KMT2D: variants seen among roughly 807,000 people sequenced by gnomAD.
KMT2D encodes the protein lysine methyltransferase 2D.
In KMT2D, 55 loss-of-function variants were observed where a neutral mutation model predicts 512.7. The observed-to-expected ratio is 0.11, with a 90% CI of 0.09 to 0.13. The LOEUF (loss-of-function observed/expected upper bound fraction) is 0.13, where lower values mean the gene tolerates loss of function less well. Among genes scored for constraint, KMT2D ranks in the 10% least tolerant of loss-of-function variants. KMT2D has a pLI of 1.00. For synonymous variants in KMT2D, 2,995 were observed against 2,904.0 expected, an observed-to-expected ratio of 1.03 and a Z score of -1.01; for missense variants, 6,061 against 7,127.9, an observed-to-expected ratio of 0.85 and a Z score of 5.39.
rs1376700910 is a variant in KMT2D at position 49,024,952 on chromosome 12, A to C, written c.15785-6T>G. 6 of 1,586,782 alleles carry C rather than the reference A, an allele frequency of 3.8e-6. No individual in the cohort carries two copies. The highest frequency in any genetic ancestry group is 1.3e-5 in the African/African-American group (1 of 74,204). On this transcript the variant is annotated splice_region_variant and splice_polypyrimidine_tract_variant and intron_variant, in intron 49 of 54. Transcript: ENST00000301067. This position sits in a 1 kb window ranked among gnomAD's most constrained non-coding sequence, Gnocchi z 4.5. ...AATGATGCGATTCCACACGGCTAAG[A>C]AGCAGGGAAGAGAGCAGTCCTCAGA...
Position 49,019,199 on chromosome 12 carries a change from C to T in KMT2D, c.*2581G>A. On this transcript the variant is annotated 3_prime_UTR_variant, in exon 55 of 55. Transcript: ENST00000301067. Reference sequence around the variant, plus strand: ...GTTACGAAGGACCAACCTTGCTGTACAGGATACACACAACACAAAATAAAG... The same window carrying T: ...GTTACGAAGGACCAACCTTGCTGTATAGGATACACACAACACAAAATAAAG... 9.5e-7 allele frequency: 1 copy of T among 1,057,468 alleles called. No homozygotes were observed. Among genetic ancestry groups the T allele is most frequent in the Non-Finnish European group, 1.2e-6 (1 of 858,284 alleles). 65.5% of individuals were successfully genotyped at this position (1,057,468 alleles called of 1,614,324 possible).
At position 49,040,488 on chromosome 12, in the gene KMT2D, G is replaced by A. The variant is rs1474738542; in HGVS notation, c.7282C>T (p.Arg2428Trp). ...QSSSQSPLTP[R>W]PLSAEAFCPS... Reference sequence around the variant, plus strand: ...CAAAAAGCTTCAGCAGACAGAGGCCGGGGTGTCAGTGGAGACTGGGAGCTG... The same window carrying A: ...CAAAAAGCTTCAGCAGACAGAGGCCAGGGTGTCAGTGGAGACTGGGAGCTG... Residue 2428 changes from arginine (R) to tryptophan (W), a missense_variant, in exon 32 of 55, where the codon CGG becomes TGG. By Grantham distance (101) the Arg-to-Trp change is moderately radical. Around this residue, in one of 16 missense-constraint regions of KMT2D, gnomAD observed 710 missense variants for 647.3 expected, o/e 1.10. Coordinates refer to ENST00000301067, the MANE Select transcript of KMT2D (RefSeq NM_003482.4). 7 of 1,578,252 alleles carry A rather than the reference G, an allele frequency of 4.4e-6. No individual in the cohort carries two copies. The highest frequency in any genetic ancestry group is 6.0e-6 in the Non-Finnish European group (7 of 1,160,166).
intron 37 of KMT2D, 31 bp from the exon 38 acceptor site, chr12:49,034,507 T>A: frequency 6.2e-7 from 1 of 1,612,694 alleles, no homozygotes; most frequent in Non-Finnish European, 8.5e-7. Flanking sequence ...AAAGGGTCAT[T>A]GTTCCCTGCT....
rs372029822 is a variant in KMT2D, at chr12:49,034,793, T to C, written c.10355+19A>G. The C allele has an allele frequency of 6.2e-7, 1 of 1,611,806 alleles. No individual in the cohort carries two copies. Among genetic ancestry groups the C allele is most frequent in the African/African-American group, 1.3e-5 (1 of 74,856 alleles). On this transcript the variant is annotated intron_variant, in intron 36 of 54. Transcript: ENST00000301067. ...CTGGGAAAGAAAAGGGCCAACCCCA[T>C]TCCAGCCCTGAGTCTTACCTGTTCA...
chr12:49,033,347 C>G lies in KMT2D; in HGVS notation c.11358G>C (p.Leu3786=). The G allele has an allele frequency of 6.3e-7, 1 of 1,591,898 alleles. No homozygotes were observed. The highest frequency in any genetic ancestry group is 8.6e-7 in the Non-Finnish European group (1 of 1,169,414). ...LMPPSSHQGL[L]VQQLSPQPPQ... ...GTGGTTGAGGGGACAGCTGCTGGACCAGGAGGCCTTGGTGGCTGCTGGGAG... is the reference window on the plus strand; with the variant it reads ...GTGGTTGAGGGGACAGCTGCTGGACGAGGAGGCCTTGGTGGCTGCTGGGAG... The change falls in exon 40 of 55, where the codon CTG becomes CTC. Residue 3786 remains leucine (L), a synonymous_variant. Coordinates refer to ENST00000301067, the MANE Select transcript of KMT2D (RefSeq NM_003482.4).
Position 49,040,399 on chromosome 12 carries a change from A to C in KMT2D, c.7371T>G (p.Pro2457=). 2 of 1,562,410 alleles carry C rather than the reference A, an allele frequency of 1.3e-6. No individual in the cohort carries two copies. The highest frequency in any genetic ancestry group is 2.3e-5 in the East Asian group (1 of 44,396). The change falls in exon 32 of 55, where the codon CCT becomes CCG. Residue 2457 remains proline, a synonymous_variant. Transcript: ENST00000301067. The part of the protein sequence containing the change: ...PDPYSRPPSR[P]QSRDPFAPLH... ...ATGGGGCAAATGGGTCACGGGACTG[A>C]GGGCGTGAGGGTGGGCGAGAATAAG...
At chr12:49,049,554 A>C in intron 12 of KMT2D, 128 bp downstream of exon 12, 1 of 1,062,192 alleles carries the variant, frequency 9.4e-7, no homozygotes, top group Non-Finnish European at 1.3e-6. Flanking sequence ...TTTCTCCTTA[A>C]TAACTGGAAT....
rs1943267503 is a variant in KMT2D, at chr12:49,037,303, G to T, written c.10053C>A (p.Ser3351=). The stretch of plus-strand genomic sequence containing the variant: ...GCCCACTTAGCATATGCCCTTGATT[G>T]GACACCATAGCCATGGATGGAGCCA... ...QRLAPSMAMV[S]NQGHMLSGQH... Residue 3351 remains serine (S), a synonymous_variant, in exon 35 of 55, where the codon TCC becomes TCA. Transcript: ENST00000301067. 6.2e-7 allele frequency: 1 copy of T among 1,613,388 alleles called. No individual in the cohort carries two copies. Among genetic ancestry groups the T allele is most frequent in the Non-Finnish European group, 8.5e-7 (1 of 1,179,744 alleles).
In KMT2D at chr12:49,044,219, C is replaced by T. The variant is rs762464984; in HGVS notation, c.5169G>A (p.Gly1723=). Residue 1723 remains glycine (G), a synonymous_variant, in exon 22 of 55, where the codon GGG becomes GGA. Transcript: ENST00000301067. The surrounding 1 kb of genome is among the most constrained non-coding windows in gnomAD (Gnocchi z 6.4). The part of the protein sequence containing the change: ...GPAAQAEVLS[G]DGQPDEVIPA... ...TCTCACCCTCGTCGGGCTGCCCATC[C>T]CCACTCAACACCTCCGCCTGTGCAG... 6.7e-5 allele frequency: 108 copies of T among 1,611,870 alleles called. No individual in the cohort carries two copies. Among genetic ancestry groups the T allele is most frequent in the Non-Finnish European group, 8.6e-5 (102 of 1,179,772 alleles).
rs372547431 is a variant in KMT2D, at chr12:49,050,891, G to A, written c.2792C>T (p.Pro931Leu). 5.2e-6 allele frequency: 8 copies of A among 1,536,320 alleles called. No homozygotes were observed. The East Asian group carries it at 9.1e-5, about 17-fold the overall frequency. ...GEPSLSPQLM[P>L]PDPLPPPLSP... is the part of the protein sequence containing the mutation. ...GAGTACTAACATCCCCTTACCTGGTGGCATCAGCTGAGGCGACAAGGATGG... is the reference window on the plus strand; with the variant it reads ...GAGTACTAACATCCCCTTACCTGGTAGCATCAGCTGAGGCGACAAGGATGG... The change falls in exon 11 of 55, where the codon CCA (proline) becomes CTA (leucine). Residue 931 changes from proline to leucine, a missense_variant. Around this residue, in one of 16 missense-constraint regions of KMT2D, gnomAD observed 848 missense variants for 838.5 expected, o/e 1.01. Transcript: ENST00000301067.
In KMT2D at chr12:49,060,763, G is replaced by A. The variant is rs1030357807; in HGVS notation, c.-1188C>T. ...CTCGAGAGGGGGAGAAAGGAGAAGA[G>A]GCGGCCCTATTTTGTGTTGGAGCGG... On this transcript the variant is annotated 5_prime_UTR_variant, in exon 1 of 55. Transcript: ENST00000301067. 6.6e-6 allele frequency among the ~76,000 whole-genome samples: 1 copy of A among 152,246 alleles called. No homozygotes were observed. Among genetic ancestry groups the A allele is most frequent in the Non-Finnish European group, 1.5e-5 (1 of 68,048 alleles).
intron 46 of KMT2D, 33 bp from the exon 47 acceptor site, chr12:49,028,174 T>C (rs763192009): frequency 2.5e-6 from 4 of 1,613,254 alleles, no homozygotes; most frequent in Non-Finnish European, 3.4e-6. Context: ...GGAAGAAACA[T>C]ATCAGCCAAG....
rs781066696 is a variant in KMT2D, at chr12:49,049,175, C to T, written c.3950G>A (p.Gly1317Glu). 6.2e-7 allele frequency: 1 copy of T among 1,610,934 alleles called. No homozygotes were observed. Among genetic ancestry groups the T allele is most frequent in the Non-Finnish European group, 8.5e-7 (1 of 1,178,510 alleles). ...SFPGRRRPRG[G>E]AHGGRGRGRA... Reference sequence around the variant, plus strand: ...TCCTCTACCACGTCCTCCATGGGCTCCTCCACGAGGCCGGCGTCTTCCTGG... The same window carrying T: ...TCCTCTACCACGTCCTCCATGGGCTTCTCCACGAGGCCGGCGTCTTCCTGG... Residue 1317 changes from glycine to glutamate, a missense_variant, in exon 13 of 55, where the codon GGA becomes GAA. Physicochemically the swap from Gly to Glu is moderately conservative, Grantham distance 98. Around this residue, in one of 16 missense-constraint regions of KMT2D, gnomAD observed 447 missense variants for 500.1 expected, o/e 0.89. Coordinates refer to ENST00000301067, the MANE Select transcript of KMT2D (RefSeq NM_003482.4).
In KMT2D at chr12:49,038,800, G is replaced by A. The variant is rs1251423341; in HGVS notation, c.8556C>T (p.Ser2852=). 7.0e-6 allele frequency: 11 copies of A among 1,581,160 alleles called. No individual in the cohort carries two copies. Among genetic ancestry groups the A allele is most frequent in the African/African-American group, 5.4e-5 (4 of 74,168 alleles). The change falls in exon 35 of 55, where the codon TCC becomes TCT. Residue 2852 remains serine (S), a synonymous_variant. Transcript: ENST00000301067. This position sits in a 1 kb window ranked among gnomAD's most constrained non-coding sequence, Gnocchi z 5.7. ...GPELGRQALG[S]PLAGISTRLP... ...GACGGGTGGAAATTCCCGCCAACGG[G>A]GAACCTAGGGCTTGGCGGCCAAGTT...
Position 49,027,800 on chromosome 12 carries a change from T to C in KMT2D, c.14643+3A>G. The stretch of plus-strand genomic sequence containing the variant: ...CCCACCCCTTTTTCTCCCCCAGACC[T>C]ACCTGTTTCAGGAGGCTCAAGATGT... On this transcript the variant is annotated splice_donor_region_variant and intron_variant, in intron 48 of 54. Coordinates refer to ENST00000301067, the MANE Select transcript of KMT2D (RefSeq NM_003482.4). The C allele has an allele frequency of 6.4e-7, 1 of 1,560,378 alleles. No individual in the cohort carries two copies. Among genetic ancestry groups the C allele is most frequent in the Non-Finnish European group, 8.7e-7 (1 of 1,151,940 alleles).
rs1454206808 is a variant in KMT2D at position 49,050,807 on chromosome 12, A to G, written c.2798-17T>C. ...GAAGGGGATCTGGAAGGAAAGAGAA[A>G]AAAGAAGGGCTCTTAGATTAGATGT... On this transcript the variant is annotated splice_polypyrimidine_tract_variant and intron_variant, in intron 11 of 54. Coordinates refer to ENST00000301067, the MANE Select transcript of KMT2D (RefSeq NM_003482.4). 8.8e-6 allele frequency: 14 copies of G among 1,590,888 alleles called. No individual in the cohort carries two copies. The highest frequency in any genetic ancestry group is 1.2e-5 in the Non-Finnish European group (14 of 1,165,270).
rs774226061 is a variant in KMT2D at position 49,049,884 on chromosome 12, C to T, written c.3704G>A (p.Gly1235Asp). 2.5e-6 allele frequency: 4 copies of T among 1,613,664 alleles called. No individual in the cohort carries two copies. Among genetic ancestry groups the T allele is most frequent in the East Asian group, 2.2e-5 (1 of 44,882 alleles). Residue 1235 changes from glycine (G) to aspartate (D), a missense_variant, in exon 12 of 55, where the codon GGT becomes GAT. Physicochemically the swap from Gly to Asp is moderately conservative, Grantham distance 94. This residue lies in a region of KMT2D where 447 missense variants were observed against 500.1 expected (regional missense o/e 0.89). Coordinates refer to ENST00000301067, the MANE Select transcript of KMT2D (RefSeq NM_003482.4). ...CCCCAACTCCATGGACAGGGAGCCA[C>T]CCCCCTCCGGGTCTGGAGAGCCCAG... ...PLLGSPDPEG[G>D]GSLSMELGVS...
In KMT2D at chr12:49,046,668, G is replaced by A. The variant is rs767737749; in HGVS notation, c.4359C>T (p.His1453=). The A allele has an allele frequency of 6.2e-7, 1 of 1,613,964 alleles. No homozygotes were observed. The highest frequency in any genetic ancestry group is 8.5e-7 in the Non-Finnish European group (1 of 1,179,874). ...GCAGTGGGGGGTCCAGGCAGTATGT[G>A]TGGTAGCTAATATCACAGTCATCAC... ...LLCDDCDISY[H]TYCLDPPLLT... is the part of the protein sequence containing the mutation. The change falls in exon 16 of 55, where the codon CAC becomes CAT. Residue 1453 remains histidine (H), a synonymous_variant. Coordinates refer to ENST00000301067, the MANE Select transcript of KMT2D (RefSeq NM_003482.4). This position sits in a 1 kb window ranked among gnomAD's most constrained non-coding sequence, Gnocchi z 4.2.
intron 14 of KMT2D, among the ~76,000 whole-genome samples, chr12:49,048,347 T>C (rs779176714): frequency 6.6e-6 from 1 of 152,216 alleles, no homozygotes; most frequent in Non-Finnish European, 1.5e-5. Flanking sequence ...GAGAATCACA[T>C]ATGTGACAAA....
Sources: gnomAD v4.1 joint callset for allele counts (sites outside exome capture counted in the v4.1 genomes callset) on GRCh38, gnomAD v4.1.1 for gene constraint, gnomAD v4.1.1 regional missense constraint, Gnocchi (gnomAD v3.1) non-coding constraint, MANE v1.5 for transcripts, NCBI Gene and HGNC (gene_info 2026-07-23, HGNC 2026-07-21) for gene names.